Variants in CYP7B1 observed in about 807,000 individuals in gnomAD.
CYP7B1 encodes cytochrome P450 7B1.
In CYP7B1, 29 loss-of-function variants were observed where a neutral mutation model predicts 42.7. The ratio of observed to expected loss-of-function variants is 0.68; its 90% confidence interval spans 0.51 to 0.93. CYP7B1 has a LOEUF of 0.93. CYP7B1 is among the 40% of genes least tolerant of loss of function. The probability of loss-of-function intolerance (pLI) is 0.00; values close to 1 mark genes in which losing one functional copy is unlikely to be tolerated. For synonymous variants in CYP7B1, 235 were observed against 218.2 expected (o/e 1.08, Z -0.68); for missense variants, 655 against 600.5 (o/e 1.09, Z -0.95).
At chr8:64,597,028 C>T (rs1585796100) in intron 5 of CYP7B1, 99 bp from the exon 6 acceptor site, 1 of 1,069,254 alleles carries the variant, frequency 9.4e-7, no homozygotes, top group Non-Finnish European at 1.3e-6. Context: ...TTAAAAAGCT[C>T]CTTTTAATCA....
chr8:64,596,816 A>T lies in CYP7B1; in HGVS notation c.1347T>A (p.Cys449Ter). The change falls in exon 6 of 6, where the codon TGT (cysteine) becomes TGA (stop). Residue 449 changes from cysteine (C) to a stop codon, truncating the protein, a stop_gained. Transcript: ENST00000310193. LOFTEE classifies it low-confidence loss of function (END_TRUNC). Reference sequence around the variant, plus strand: ...CCATAAGTGCAAAAAATCGGCCTGGACATTTGCTGGTTCCAGTTCCAAACG... The same window carrying T: ...CCATAAGTGCAAAAAATCGGCCTGGTCATTTGCTGGTTCCAGTTCCAAACG... ...LMPFGTGTSK[C>*]PGRFFALMEI... is the part of the protein sequence containing the mutation. 1.2e-6 allele frequency: 2 copies of T among 1,614,104 alleles called. No individual in the cohort carries two copies. Among genetic ancestry groups the T allele is most frequent in the Non-Finnish European group, 1.7e-6 (2 of 1,179,980 alleles).
chr8:64,586,582 A>G (rs773755635), downstream of CYP7B1, among the ~76,000 whole-genome samples: 1 of 152,212 alleles, frequency 6.6e-6, no homozygotes, highest in Non-Finnish European at 1.5e-5. Flanking sequence ...TGGTCAGGTG[A>G]GACTACTTAG....
chr8:64,616,844 T>C (rs1805456033), intron 2 of CYP7B1, among the ~76,000 whole-genome samples: 1 of 152,220 alleles, frequency 6.6e-6, no homozygotes, highest in South Asian at 2.1e-4. Context: ...TTCACTTTTA[T>C]GGATGTGGGA....
chr8:64,620,648 G>A (rs1000947664), intron 2 of CYP7B1, among the ~76,000 whole-genome samples: 9 of 152,124 alleles, frequency 5.9e-5, no homozygotes, highest in South Asian at 2.1e-4. Flanking sequence ...AGACAAGAGC[G>A]GAAGACTTTG....
intron 1 of CYP7B1, among the ~76,000 whole-genome samples, chr8:64,685,158 G>T (rs184499857): frequency 2.0e-5 from 3 of 152,088 alleles, no homozygotes; most frequent in African/African-American, 7.2e-5. Flanking sequence ...TTGCCGCCCC[G>T]CCGGCGAGCG....
Position 64,700,629 on chromosome 8 carries a change from G to A in CYP7B1, c.123-76090C>T, listed in dbSNP as rs544316397. Among the ~76,000 whole-genome samples the A allele has an allele frequency of 3.9e-5, 6 of 152,210 alleles. No homozygotes were observed. In the South Asian group the frequency reaches 8.3e-4, roughly 21 times the overall value. On this transcript the variant is annotated intron_variant, in intron 1 of 5. Coordinates refer to ENST00000310193, the MANE Select transcript of CYP7B1 (RefSeq NM_004820.5). ...CAGAGGTGTGGACTTCATGGGAGTC[G>A]TGATTGGTAATAAGCCTCTTTTTCT... is the stretch of plus-strand genomic sequence containing the variant.
At chr8:64,639,783 C>T (rs1678631041) in intron 1 of CYP7B1, among the ~76,000 whole-genome samples, 1 of 152,112 alleles carries the variant, frequency 6.6e-6, no homozygotes, top group African/African-American at 2.4e-5. Context: ...GAAACAAAAA[C>T]ACATGTCCAT....
chr8:64,614,510 T>G (rs1241211437), intron 4 of CYP7B1, among the ~76,000 whole-genome samples: 2 of 152,150 alleles, frequency 1.3e-5, no homozygotes, highest in African/African-American at 2.4e-5. Context: ...CTTTTCCTTT[T>G]TTGTGGGTTT....
intron 1 of CYP7B1, among the ~76,000 whole-genome samples, chr8:64,788,285 G>C (rs1053433953): frequency 6.6e-6 from 1 of 152,216 alleles, no homozygotes; most frequent in African/African-American, 2.4e-5. Flanking sequence ...GCGAGAGGTA[G>C]GGGTGAAGGG....
At chr8:64,761,259 A>C (rs1807885622) in intron 1 of CYP7B1, among the ~76,000 whole-genome samples, 2 of 152,186 alleles carry the variant, frequency 1.3e-5, no homozygotes, top group South Asian at 4.1e-4. Flanking sequence ...TTTAGAGATC[A>C]AATGTACAGC....
At chr8:64,772,802 T>C (rs1204258724) in intron 1 of CYP7B1, among the ~76,000 whole-genome samples, 1 of 152,212 alleles carries the variant, frequency 6.6e-6, no homozygotes, top group African/African-American at 2.4e-5. Context: ...TCAGTAAATA[T>C]GTAGTTCCCT....
intron 1 of CYP7B1, among the ~76,000 whole-genome samples, chr8:64,707,380 C>T (rs941320061): frequency 1.3e-5 from 2 of 152,064 alleles, no homozygotes; most frequent in African/African-American, 2.4e-5. Context: ...CTTTCATAGT[C>T]ATAGTATGGG....
intron 1 of CYP7B1, among the ~76,000 whole-genome samples, chr8:64,676,168 T>C (rs1457587141): frequency 1.3e-5 from 2 of 152,170 alleles, no homozygotes; most frequent in Non-Finnish European, 2.9e-5. Flanking sequence ...TCTTCAGTTT[T>C]ATGTGAATTA....
rs1043417191 is a variant in CYP7B1 at position 64,614,960 on chromosome 8, A to G, written c.1057+66T>C. ...GTCCTCTACCTCTTGGTAAACAGCT[A>G]TGAGTGATAAACCGAGTTTGCAGAG... On this transcript the variant is annotated intron_variant, in intron 4 of 5. Transcript: ENST00000310193. The G allele has an allele frequency of 3.3e-6, 5 of 1,498,566 alleles. No homozygotes were observed. The African/African-American group carries it at 6.9e-5, about 21-fold the overall frequency. 92.8% of individuals were successfully genotyped at this position (1,498,566 alleles called of 1,614,324 possible). A position where few individuals can be genotyped will look rare whatever the true frequency, so the allele number is the denominator to read the frequency against.
rs565916083 is a variant in CYP7B1 at position 64,774,634 on chromosome 8, G to T, written c.122+23832C>A. Among the ~76,000 whole-genome samples, 15 of 152,212 alleles carry T rather than the reference G, an allele frequency of 9.9e-5. No homozygotes were observed. In the South Asian group the frequency reaches 2.1e-3, roughly 21 times the overall value. ...AACATTGGGAGAGGGGTATAAACAG[G>T]TCCCATATTTATACTAGTCTTTGTA... On this transcript the variant is annotated intron_variant, in intron 1 of 5. Coordinates refer to ENST00000310193, the MANE Select transcript of CYP7B1 (RefSeq NM_004820.5).
chr8:64,796,193 C>A (rs915867669), intron 1 of CYP7B1, among the ~76,000 whole-genome samples: 4 of 152,064 alleles, frequency 2.6e-5, no homozygotes, highest in African/African-American at 9.7e-5. Flanking sequence ...GCTTTCTAAG[C>A]AAGGACATAT....
At chr8:64,708,630 G>A (rs534189917) in intron 1 of CYP7B1, among the ~76,000 whole-genome samples, 1 of 152,156 alleles carries the variant, frequency 6.6e-6, no homozygotes, top group Admixed American at 6.5e-5. Context: ...ATGGTCATGA[G>A]GACTTTTAAA....
chr8:64,674,678 T>G (rs370417657), intron 1 of CYP7B1, among the ~76,000 whole-genome samples: 1 of 152,112 alleles, frequency 6.6e-6, no homozygotes, highest in Non-Finnish European at 1.5e-5. Context: ...TACACCGTAG[T>G]GCACAGGAGA....
chr8:64,720,979 A>G (rs1052244937), intron 1 of CYP7B1, among the ~76,000 whole-genome samples: 1 of 151,968 alleles, frequency 6.6e-6, no homozygotes, highest in Non-Finnish European at 1.5e-5. Flanking sequence ...TAAATAAGAT[A>G]TTTTTAAACA....
Sources: gnomAD v4.1 joint callset for allele counts (sites outside exome capture counted in the v4.1 genomes callset) on GRCh38, gnomAD v4.1.1 for gene constraint, MANE v1.5 for transcripts, NCBI Gene and HGNC (gene_info 2026-07-23, HGNC 2026-07-21) for gene names.